LRRC4C: variants seen among roughly 807,000 people sequenced by gnomAD.
LRRC4C encodes leucine rich repeat containing 4C.
In LRRC4C, 5 loss-of-function variants were observed where a neutral mutation model predicts 33.6. The ratio of observed to expected loss-of-function variants is 0.15; its 90% confidence interval spans 0.08 to 0.31. LRRC4C has a LOEUF of 0.31. Among genes scored for constraint, LRRC4C ranks in the 10% least tolerant of loss-of-function variants. LRRC4C has a pLI of 1.00. For synonymous variants in LRRC4C, 329 were observed against 302.0 expected (o/e 1.09, Z -0.93); for missense variants, 560 against 796.7 (o/e 0.70, Z 3.58).
intron 3 of LRRC4C, among the ~76,000 whole-genome samples, chr11:40,596,465 C>A (rs1959311985): frequency 6.6e-6 from 1 of 151,448 alleles, no homozygotes; most frequent in African/African-American, 2.4e-5. Context: ...ATTTCTAATT[C>A]TATTCTTTTA....
intron 1 of LRRC4C, among the ~76,000 whole-genome samples, chr11:41,045,749 A>G (rs767985597): frequency 2.6e-5 from 4 of 152,138 alleles, no homozygotes; most frequent in Non-Finnish European, 2.9e-5. Context: ...ACTTCCATCT[A>G]GAAAGTATTT....
chr11:40,500,267 G>A (rs894917902), intron 3 of LRRC4C, among the ~76,000 whole-genome samples: 1 of 114,042 alleles, frequency 8.8e-6, no homozygotes. Context: ...ATAACCTAAT[G>A]TCTGATATAT....
chr11:40,233,125 T>C (rs957814764), intron 5 of LRRC4C, among the ~76,000 whole-genome samples: 2 of 152,310 alleles, frequency 1.3e-5, no homozygotes, highest in Middle Eastern at 3.4e-3. Flanking sequence ...ATCAGGACCT[T>C]TAAATATACT....
At chr11:40,146,700 T>C (rs149148533) in intron 5 of LRRC4C, among the ~76,000 whole-genome samples, 159 of 152,296 alleles carry the variant, frequency 1.0e-3, no homozygotes, top group African/African-American at 3.7e-3. Context: ...TGAAACAATA[T>C]TCCTTATCCT....
chr11:41,218,460 C>T (rs1473907115), intron 1 of LRRC4C, among the ~76,000 whole-genome samples: 3 of 152,208 alleles, frequency 2.0e-5, no homozygotes, highest in Non-Finnish European at 4.4e-5. Flanking sequence ...ACTCACTGCA[C>T]CTGACCCTGT....
intron 3 of LRRC4C, among the ~76,000 whole-genome samples, chr11:40,462,927 G>A (rs140891675): frequency 6.6e-6 from 1 of 152,100 alleles, no homozygotes; most frequent in African/African-American, 2.4e-5. Context: ...AATGGATGAA[G>A]AAAATGATGT....
chr11:40,580,678 G>T (rs1958429577), intron 3 of LRRC4C, among the ~76,000 whole-genome samples: 1 of 152,090 alleles, frequency 6.6e-6, no homozygotes. Flanking sequence ...CCTATTAAAA[G>T]ACAAATCCTC....
chr11:40,225,266 G>A (rs1373040084), intron 5 of LRRC4C, among the ~76,000 whole-genome samples: 3 of 152,094 alleles, frequency 2.0e-5, no homozygotes, highest in Admixed American at 2.0e-4. Flanking sequence ...TGTGGCCTCT[G>A]GAGACTTTAA....
intron 1 of LRRC4C, among the ~76,000 whole-genome samples, chr11:40,971,519 G>T (rs151054598): frequency 6.6e-6 from 1 of 152,338 alleles, no homozygotes; most frequent in East Asian, 1.9e-4. Context: ...GGATGTCCAT[G>T]CAGAAGCCTG....
chr11:40,361,406 A>G (rs985581561), intron 3 of LRRC4C, among the ~76,000 whole-genome samples: 4 of 152,196 alleles, frequency 2.6e-5, no homozygotes, highest in Non-Finnish European at 5.9e-5. Flanking sequence ...CAGCATTTCT[A>G]TACACCAACG....
At chr11:41,211,337 T>A (rs1258710597) in intron 1 of LRRC4C, among the ~76,000 whole-genome samples, 1 of 152,136 alleles carries the variant, frequency 6.6e-6, no homozygotes, top group Non-Finnish European at 1.5e-5. Flanking sequence ...TTATTTTTAT[T>A]TTTGTATTAT....
chr11:41,394,149 G>T (rs1489854222), intron 1 of LRRC4C, among the ~76,000 whole-genome samples: 1 of 151,914 alleles, frequency 6.6e-6, no homozygotes, highest in African/African-American at 2.4e-5. Context: ...CAAAGTCCTT[G>T]CTTCCTTATC....
At chr11:41,236,574 G>GAA (rs141265510) in intron 1 of LRRC4C, among the ~76,000 whole-genome samples, 55 of 145,178 alleles carry the variant, frequency 3.8e-4, no homozygotes, top group African/African-American at 1.3e-3. Flanking sequence ...CATTATAATT[G>GAA]AAAAAAAAAA....
chr11:40,995,992 G>T (rs1175881408), intron 1 of LRRC4C, among the ~76,000 whole-genome samples: 1 of 152,120 alleles, frequency 6.6e-6, no homozygotes, highest in African/African-American at 2.4e-5. Flanking sequence ...AGGATAGAAA[G>T]TCTAAGAAAA....
intron 2 of LRRC4C, among the ~76,000 whole-genome samples, chr11:40,718,474 A>G (rs892844759): frequency 6.6e-6 from 1 of 152,196 alleles, no homozygotes; most frequent in Non-Finnish European, 1.5e-5. Context: ...CACTGCTTTC[A>G]TGCAGACCAG....
In LRRC4C at chr11:40,742,048, A is replaced by G. The variant is rs56265626; in HGVS notation, c.-406-93770T>C. ...TCAGAAAAGTAGAAAAAAATCTAAT[A>G]TTGCCATAAAGGGGCATTATCACTT... is the stretch of plus-strand genomic sequence containing the variant. On this transcript the variant is annotated intron_variant, in intron 2 of 6. Coordinates refer to ENST00000528697, the MANE Select transcript of LRRC4C (RefSeq NM_001258419.2). 9.2e-3 allele frequency among the ~76,000 whole-genome samples: 1,393 copies of G among 152,170 alleles called. 23 individuals are homozygous for G. Among genetic ancestry groups the G allele is most frequent in the African/African-American group, 0.032 (1,321 of 41,554 alleles).
intron 1 of LRRC4C, among the ~76,000 whole-genome samples, chr11:41,108,797 T>A (rs1371327364): frequency 6.6e-6 from 1 of 152,134 alleles, no homozygotes; most frequent in Non-Finnish European, 1.5e-5. Flanking sequence ...TCTTGTATGC[T>A]ATGATGACTG....
chr11:41,236,289 A>G (rs879636954), intron 1 of LRRC4C, among the ~76,000 whole-genome samples: 6 of 152,084 alleles, frequency 3.9e-5, no homozygotes, highest in Non-Finnish European at 7.4e-5. Context: ...ACACCTCCTG[A>G]TACCTCTTCA....
In LRRC4C at chr11:40,398,285, A is replaced by T. The variant is rs555799604; in HGVS notation, c.-269-78564T>A. Among the ~76,000 whole-genome samples, 70 of 152,214 alleles carry T rather than the reference A, an allele frequency of 4.6e-4. 1 individual carries two copies. Among genetic ancestry groups the T allele is most frequent in the Admixed American group, 1.7e-3 (26 of 15,260 alleles). ...AAATTATTCAGAAGTATAAGCCAAC[A>T]TATAAATTTACTATTTCCTTATATT... On this transcript the variant is annotated intron_variant, in intron 3 of 6. Coordinates refer to ENST00000528697, the MANE Select transcript of LRRC4C (RefSeq NM_001258419.2).
Sources: allele counts gnomAD v4.1 joint callset (sites outside exome capture counted in the v4.1 genomes callset), GRCh38; gene constraint gnomAD v4.1.1; transcripts MANE v1.5; gene names NCBI Gene and HGNC (gene_info 2026-07-23, HGNC 2026-07-21).